ZDHHC14: variants seen among roughly 807,000 people sequenced by gnomAD.
The protein encoded by ZDHHC14 is palmitoyltransferase ZDHHC14.
Under a neutral mutation model 47.7 loss-of-function variants are expected in ZDHHC14, and 16 were observed. The ratio of observed to expected loss-of-function variants is 0.34; its 90% CI spans 0.23 to 0.51. ZDHHC14 has a LOEUF of 0.51. Ranked by LOEUF, ZDHHC14 falls within the 20% of genes least tolerant of loss-of-function variation. The probability of loss-of-function intolerance (pLI) is 0.97; values close to 1 mark genes in which losing one functional copy is unlikely to be tolerated. For synonymous variants in ZDHHC14, 293 were observed against 278.9 expected (o/e 1.05, Z -0.50); for missense variants, 515 against 662.5 (o/e 0.78, Z 2.44).
chr6:157,647,245 T>C lies in ZDHHC14; in HGVS notation c.856-14T>C, dbSNP rs369035893. The C allele has an allele frequency of 2.5e-6, 4 of 1,599,082 alleles. No individual in the cohort carries two copies. The highest frequency in any genetic ancestry group is 1.3e-5 in the African/African-American group (1 of 74,752). On this transcript the variant is annotated splice_polypyrimidine_tract_variant and intron_variant, in intron 6 of 8. Coordinates refer to ENST00000359775, the MANE Select transcript of ZDHHC14 (RefSeq NM_024630.3). The stretch of plus-strand genomic sequence containing the variant: ...GGAAGATATTGCTTGTTACTGACTT[T>C]CCTTTTCTTTCAGATTAAAGGATCC...
chr6:157,445,485 C>A (rs1315923364), intron 1 of ZDHHC14, among the ~76,000 whole-genome samples: 4 of 152,180 alleles, frequency 2.6e-5, no homozygotes, highest in Non-Finnish European at 5.9e-5. Context: ...ATTTTTAAAG[C>A]AACAGAGGAT....
Position 157,673,185 on chromosome 6 carries a change from G to C in ZDHHC14, c.*63G>C. 1 of 1,485,702 alleles carries C rather than the reference G, an allele frequency of 6.7e-7. No homozygotes were observed. Among genetic ancestry groups the C allele is most frequent in the Non-Finnish European group, 8.9e-7 (1 of 1,127,370 alleles). 92.0% of individuals were successfully genotyped at this position (1,485,702 alleles called of 1,614,324 possible). On this transcript the variant is annotated 3_prime_UTR_variant, in exon 9 of 9. Coordinates refer to ENST00000359775, the MANE Select transcript of ZDHHC14 (RefSeq NM_024630.3). The surrounding 1 kb of genome is among the most constrained non-coding windows in gnomAD (Gnocchi z 5.4). ...TCCATGGGCAGCAGGAGTGAGCGGA[G>C]GGGTGTGTCCCACAGCGACTTTCCC...
chr6:157,595,995 C>T (rs1475263933), intron 3 of ZDHHC14, among the ~76,000 whole-genome samples: 2 of 152,194 alleles, frequency 1.3e-5, no homozygotes, highest in Admixed American at 1.3e-4. Flanking sequence ...CAAGCCGCGG[C>T]CTCTGAGTGG....
chr6:157,673,040 C>T lies in ZDHHC14; in HGVS notation c.1385C>T (p.Thr462Ile). Residue 462 changes from threonine (T) to isoleucine (I), a missense_variant, in exon 9 of 9, where the codon ACC (threonine) becomes ATC (isoleucine). By Grantham distance (89) the Thr-to-Ile change is moderately conservative. This residue lies in a region of ZDHHC14 where 221 missense variants were observed against 233.6 expected (regional missense o/e 0.95). Transcript: ENST00000359775. The surrounding 1 kb of genome is among the most constrained non-coding windows in gnomAD (Gnocchi z 5.4). ...GGCAGCCCCCTGGCGCACAGCCGCACCATGCACGTGCTGGGCCTGGCCAGC... is the reference window on the plus strand; with the variant it reads ...GGCAGCCCCCTGGCGCACAGCCGCATCATGCACGTGCTGGGCCTGGCCAGC... The part of the protein sequence containing the change: ...AAGSPLAHSR[T>I]MHVLGLASQD... 6.4e-7 allele frequency: 1 copy of T among 1,566,742 alleles called. No homozygotes were observed. Among genetic ancestry groups the T allele is most frequent in the South Asian group, 1.2e-5 (1 of 86,414 alleles).
intron 1 of ZDHHC14, among the ~76,000 whole-genome samples, chr6:157,480,660 G>A (rs1377780888): frequency 6.6e-6 from 1 of 152,174 alleles, no homozygotes; most frequent in Non-Finnish European, 1.5e-5. Flanking sequence ...GCTACCCATG[G>A]CATGCTCTGG....
chr6:157,557,244 A>C (rs182652738), intron 2 of ZDHHC14, among the ~76,000 whole-genome samples: 15 of 152,286 alleles, frequency 9.8e-5, no homozygotes, highest in Admixed American at 9.8e-4. Flanking sequence ...AGTGGTGACT[A>C]GGTCAGGGCA....
intron 1 of ZDHHC14, among the ~76,000 whole-genome samples, chr6:157,530,807 A>C (rs1486040415): frequency 6.6e-6 from 1 of 152,126 alleles, no homozygotes; most frequent in East Asian, 1.9e-4. Flanking sequence ...TTCTGCACTC[A>C]CATGTGTCTC....
chr6:157,536,814 T>C (rs1781558114), intron 1 of ZDHHC14, among the ~76,000 whole-genome samples: 1 of 131,920 alleles, frequency 7.6e-6, no homozygotes, highest in South Asian at 2.2e-4. Flanking sequence ...TATCCCTCCA[T>C]CTATCTTTTT....
intron 1 of ZDHHC14, among the ~76,000 whole-genome samples, chr6:157,535,065 T>A (rs1222104933): frequency 1.3e-5 from 2 of 152,172 alleles, no homozygotes; most frequent in Non-Finnish European, 2.9e-5. Flanking sequence ...TAAGTAGACC[T>A]CTCTGGGTGG....
At position 157,427,126 on chromosome 6, in the gene ZDHHC14, G is replaced by A. The variant is rs563792732; in HGVS notation, c.245+44860G>A. Among the ~76,000 whole-genome samples, 4 of 152,182 alleles carry A rather than the reference G, an allele frequency of 2.6e-5. No individual in the cohort carries two copies. Among genetic ancestry groups the A allele is most frequent in the East Asian group, 1.9e-4 (1 of 5,158 alleles). On this transcript the variant is annotated intron_variant, in intron 1 of 8. Transcript: ENST00000359775. This position sits in a 1 kb window ranked among gnomAD's most constrained non-coding sequence, Gnocchi z 4.4. ...AGGGAAGGAAGAGGGCGTGCAGGGC[G>A]GAGGGACAAGGCTCAGGCGTAGACC...
In ZDHHC14 at chr6:157,628,419, G is replaced by A. The variant is rs1383205196; in HGVS notation, c.636G>A (p.Met212Ile). ...VGKRNYRFFY[M>I]FILSLSFLTV... ...AAAGAAACTACAGATTTTTTTATATGTTTATTTTATCTCTGTCTTTTCTGA... is the reference window on the plus strand; with the variant it reads ...AAAGAAACTACAGATTTTTTTATATATTTATTTTATCTCTGTCTTTTCTGA... Residue 212 changes from methionine (M) to isoleucine (I), a missense_variant, in exon 4 of 9, where the codon ATG (methionine) becomes ATA (isoleucine). Coordinates refer to ENST00000359775, the MANE Select transcript of ZDHHC14 (RefSeq NM_024630.3). 4 of 1,612,296 alleles carry A rather than the reference G, an allele frequency of 2.5e-6. No homozygotes were observed. Among genetic ancestry groups the A allele is most frequent in the Non-Finnish European group, 3.4e-6 (4 of 1,179,646 alleles).
intron 3 of ZDHHC14, among the ~76,000 whole-genome samples, chr6:157,606,339 G>A (rs995592505): frequency 3.3e-5 from 5 of 152,192 alleles, no homozygotes; most frequent in Non-Finnish European, 7.3e-5. Flanking sequence ...GGTGGTGGCT[G>A]CCTGTAATCC....
chr6:157,599,937 G>C (rs776755987), intron 3 of ZDHHC14, among the ~76,000 whole-genome samples: 16 of 152,194 alleles, frequency 1.1e-4, no homozygotes, highest in Non-Finnish European at 2.1e-4. Flanking sequence ...TATGCCAATT[G>C]ATTTGAAAAA....
At chr6:157,493,061 G>A (rs981995435) in intron 1 of ZDHHC14, among the ~76,000 whole-genome samples, 14 of 152,168 alleles carry the variant, frequency 9.2e-5, no homozygotes, top group African/African-American at 3.4e-4. Flanking sequence ...AGTTTGCCCT[G>A]GCACTTGAAA....
At chr6:157,604,862 G>A (rs151080673) in intron 3 of ZDHHC14, among the ~76,000 whole-genome samples, 354 of 152,340 alleles carry the variant, frequency 2.3e-3, no homozygotes, top group African/African-American at 8.3e-3. Context: ...TGCCTTGCTA[G>A]GTGCGCAGTA....
At chr6:157,623,539 CTTTTT>C (rs1194920593) in intron 3 of ZDHHC14, among the ~76,000 whole-genome samples, 2 of 126,208 alleles carry the variant, frequency 1.6e-5, no homozygotes, top group Non-Finnish European at 1.6e-5. Context: ...ACTCATACAT[CTTTTT>C]TTTTTTTTTT....
intron 2 of ZDHHC14, among the ~76,000 whole-genome samples, chr6:157,554,924 C>T (rs1393165528): frequency 6.6e-6 from 1 of 152,138 alleles, no homozygotes; most frequent in African/African-American, 2.4e-5. Context: ...TATATAAGTC[C>T]CCACCTGAAT....
chr6:157,386,172 T>TGTGACTGTGAAAAAGCTC (rs1211353800), intron 1 of ZDHHC14, among the ~76,000 whole-genome samples: 3 of 152,078 alleles, frequency 2.0e-5, no homozygotes, highest in African/African-American at 7.2e-5. Flanking sequence ...AAGAAGCAAC[T>TGTGACTGTGAAAAAGCTC]GTGACTGTGA....
intron 2 of ZDHHC14, among the ~76,000 whole-genome samples, chr6:157,549,754 A>G (rs1326526290): frequency 2.6e-5 from 4 of 152,200 alleles, no homozygotes; most frequent in African/African-American, 9.6e-5. Context: ...TTCTAAGGGA[A>G]GGAGGGAGCC....
Sources: allele counts gnomAD v4.1 joint callset (sites outside exome capture counted in the v4.1 genomes callset), GRCh38; gene constraint gnomAD v4.1.1; regional missense constraint gnomAD v4.1.1; non-coding constraint Gnocchi (gnomAD v3.1); transcripts MANE v1.5; gene names NCBI Gene and HGNC (gene_info 2026-07-23, HGNC 2026-07-21).